Variants in MCM5 observed in about 807,000 individuals in gnomAD.
MCM5 encodes the protein DNA replication licensing factor MCM5.
MCM5 carries 46 observed loss-of-function variants against 79.9 expected under a neutral mutation model. That is an observed-to-expected ratio of 0.58 (90% CI 0.45 to 0.74). The LOEUF (loss-of-function observed/expected upper bound fraction) is 0.74. MCM5 is among the 30% of genes least tolerant of loss of function. The pLI is 0.00. For synonymous variants in MCM5, 404 were observed against 390.5 expected, an observed-to-expected ratio of 1.03 and a Z score of -0.41; for missense variants, 883 against 1,017.0, an observed-to-expected ratio of 0.87 and a Z score of 1.79.
chr22:35,421,476 G>A lies in MCM5; in HGVS notation c.1975+16G>A. The A allele has an allele frequency of 1.2e-6, 2 of 1,613,948 alleles. No homozygotes were observed. Among genetic ancestry groups the A allele is most frequent in the Non-Finnish European group, 1.7e-6 (2 of 1,180,038 alleles). Reference sequence around the variant, plus strand: ...ACCCTGTCAGGTGAGCAGATGCAGGGGCCATGGTCTCAATTGATCTGGGTT... The same window carrying A: ...ACCCTGTCAGGTGAGCAGATGCAGGAGCCATGGTCTCAATTGATCTGGGTT... On this transcript the variant is annotated intron_variant, in intron 15 of 16. Coordinates refer to ENST00000216122, the MANE Select transcript of MCM5 (RefSeq NM_006739.4).
intron 13 of MCM5, 35 bp from the exon 14 acceptor site, chr22:35,419,849 T>TGGCCTCACACCAGCCTCTCCCCGAG: frequency 6.3e-7 from 1 of 1,577,676 alleles, no homozygotes; most frequent in Middle Eastern, 1.7e-4. Context: ...GAGTCCCTCC[T>TGGCCTCACACCAGCCTCTCCCCGAG]GGCCTCACAC....
intron 7 of MCM5, among the ~76,000 whole-genome samples, chr22:35,412,082 G>C (rs1427242806): frequency 2.6e-5 from 4 of 152,104 alleles, no homozygotes; most frequent in Admixed American, 6.5e-5. Context: ...CTCCCCACCT[G>C]CTCTGAGCCC....
rs2145804858 is a variant in MCM5, at chr22:35,424,145, C to T, written c.2104-9C>T. ...GCACGTGCCGTTAGCCAGCCATGTGCTCCCACAGAAATACCCGGAGCACGC... is the reference window on the plus strand; with the variant it reads ...GCACGTGCCGTTAGCCAGCCATGTGTTCCCACAGAAATACCCGGAGCACGC... On this transcript the variant is annotated splice_polypyrimidine_tract_variant and intron_variant, in intron 16 of 16. Coordinates refer to ENST00000216122, the MANE Select transcript of MCM5 (RefSeq NM_006739.4). 5 of 1,543,116 alleles carry T rather than the reference C, an allele frequency of 3.2e-6. 1 individual carries two copies. The South Asian group carries it at 6.0e-5, about 18-fold the overall frequency.
chr22:35,426,837 G>T (rs1038440804), downstream of MCM5, among the ~76,000 whole-genome samples: 1 of 152,112 alleles, frequency 6.6e-6, no homozygotes, highest in African/African-American at 2.4e-5. Flanking sequence ...TGTGTTCCCT[G>T]CCCCACTCTA....
chr22:35,438,481 A>T, the MCM5 span, among the ~76,000 whole-genome samples: 1 of 145,322 alleles, frequency 6.9e-6, no homozygotes, highest in Non-Finnish European at 1.5e-5. Flanking sequence ...CCACATATCC[A>T]TCCATCCATC....
chr22:35,449,205 G>C, the MCM5 span, among the ~76,000 whole-genome samples: 1 of 152,164 alleles, frequency 6.6e-6, no homozygotes, highest in Non-Finnish European at 1.5e-5. Context: ...TGGCTTCTCT[G>C]AGCCGCTGTC....
At chr22:35,429,682 C>T (rs886131830), downstream of MCM5, among the ~76,000 whole-genome samples, 9 of 152,028 alleles carry the variant, frequency 5.9e-5, no homozygotes, top group Non-Finnish European at 5.9e-5. Context: ...ACTACAGGCG[C>T]GCGCCACTGT....
At chr22:35,417,605 G>C (rs886565355) in intron 12 of MCM5, 139 bp from the exon 13 acceptor site, 1 of 674,126 alleles carries the variant, frequency 1.5e-6, no homozygotes, top group African/African-American at 1.8e-5. Context: ...AACAGGCTGA[G>C]CACGCCTGAG....
chr22:35,444,989 G>A, the MCM5 span, among the ~76,000 whole-genome samples: 1 of 152,242 alleles, frequency 6.6e-6, no homozygotes, highest in Non-Finnish European at 1.5e-5. Context: ...TGCGGCCAGA[G>A]CGACCCTGTG....
chr22:35,438,526 T>TCCATCCAC, the MCM5 span, among the ~76,000 whole-genome samples: 1 of 143,258 alleles, frequency 7.0e-6, no homozygotes, highest in African/African-American at 2.6e-5. Context: ...CATCCATCCA[T>TCCATCCAC]CTACATATTC....
the MCM5 span, among the ~76,000 whole-genome samples, chr22:35,432,320 GGT>G: frequency 6.6e-6 from 1 of 152,178 alleles, no homozygotes; most frequent in African/African-American, 2.4e-5. Context: ...ATGGAGGCCT[GGT>G]GTGTGGGTAC....
chr22:35,414,033 G>A, intron 9 of MCM5, 47 bp downstream of exon 9: 2 of 1,327,338 alleles, frequency 1.5e-6, no homozygotes, highest in African/African-American at 1.4e-5. Flanking sequence ...CAGGGAGGAA[G>A]GCTGCAGGGC....
At position 35,419,872 on chromosome 22, in the gene MCM5, A is replaced by G. The variant is rs1268093946; in HGVS notation, c.1704-12A>G. 2 of 1,604,332 alleles carry G rather than the reference A, an allele frequency of 1.2e-6. No homozygotes were observed. The highest frequency in any genetic ancestry group is 4.5e-5 in the East Asian group (2 of 44,504). ...CCTGGCCTCACACCAGCCTCTCCCC[A>G]CTGTCCTGCAGGAAGTGTGGCCCCC... On this transcript the variant is annotated splice_polypyrimidine_tract_variant and intron_variant, in intron 13 of 16. Coordinates refer to ENST00000216122, the MANE Select transcript of MCM5 (RefSeq NM_006739.4).
chr22:35,418,960 G>T (rs147752840), intron 13 of MCM5, among the ~76,000 whole-genome samples: 2 of 152,330 alleles, frequency 1.3e-5, no homozygotes, highest in Non-Finnish European at 2.9e-5. Flanking sequence ...TAACCACAGT[G>T]CTTCGATTCT....
At chr22:35,428,989 T>C (rs1206920052), downstream of MCM5, among the ~76,000 whole-genome samples, 8 of 138,016 alleles carry the variant, frequency 5.8e-5, no homozygotes, top group East Asian at 8.3e-4. Flanking sequence ...TTTTTTTTTT[T>C]TTTTTTTTCT....
chr22:35,400,751 C>A, intron 2 of MCM5, 146 bp downstream of exon 2: 1 of 758,340 alleles, frequency 1.3e-6, no homozygotes, highest in Non-Finnish European at 2.1e-6. Context: ...CTCATCCCGG[C>A]AGCCTCACGC....
chr22:35,408,483 C>G lies in MCM5; in HGVS notation c.672C>G (p.Phe224Leu), dbSNP rs1300636544. The G allele has an allele frequency of 8.7e-6, 14 of 1,614,108 alleles. No homozygotes were observed. Among genetic ancestry groups the G allele is most frequent in the Non-Finnish European group, 1.2e-5 (14 of 1,180,048 alleles). ...IMPDKCKCVDFQTLKLQELPD... is the reference protein window; with the variant it reads ...IMPDKCKCVDLQTLKLQELPD... ...CCGACAAATGCAAATGCGTGGACTT[C>G]CAGACCCTGAAGCTGCAGGAGCTGC... The change falls in exon 6 of 17, where the codon TTC (phenylalanine) becomes TTG (leucine). Residue 224 changes from phenylalanine to leucine, a missense_variant. Phe to Leu is a conservative substitution (Grantham distance 22). Coordinates refer to ENST00000216122, the MANE Select transcript of MCM5 (RefSeq NM_006739.4).
intron 9 of MCM5, among the ~76,000 whole-genome samples, chr22:35,415,124 T>C (rs1379359964): frequency 6.6e-6 from 1 of 152,018 alleles, no homozygotes; most frequent in Non-Finnish European, 1.5e-5. Flanking sequence ...CTTGGGAGGC[T>C]GAGGTGGGAG....
At chr22:35,416,877 G>A in intron 12 of MCM5, 63 bp downstream of exon 12, 1 of 1,573,418 alleles carries the variant, frequency 6.4e-7, no homozygotes, top group Non-Finnish European at 8.7e-7. Flanking sequence ...GTGATTGTGT[G>A]GGAAGGAGAA....
Sources: gnomAD v4.1 joint callset for allele counts (sites outside exome capture counted in the v4.1 genomes callset) on GRCh38, gnomAD v4.1.1 for gene constraint, MANE v1.5 for transcripts, NCBI Gene and HGNC (gene_info 2026-07-23, HGNC 2026-07-21) for gene names.